ANK1: variants seen among roughly 807,000 people sequenced by gnomAD.
The protein encoded by ANK1 is ankyrin 1.
A neutral mutation model predicts 210.4 loss-of-function variants in ANK1; 51 were observed. The ratio of observed to expected loss-of-function variants is 0.24; its 90% confidence interval spans 0.19 to 0.31. The LOEUF is 0.31. Among genes scored for constraint, ANK1 ranks in the 10% least tolerant of loss-of-function variants. The pLI is 1.00. For missense variants in ANK1, 2,051 were observed against 2,504.4 expected (o/e 0.82, Z 3.86); for synonymous variants, 967 against 1,025.9 (o/e 0.94, Z 1.10).
intron 38 of ANK1, among the ~76,000 whole-genome samples, chr8:41,669,752 C>T (rs983696331): frequency 3.3e-5 from 5 of 152,206 alleles, no homozygotes; most frequent in African/African-American, 7.2e-5. Context: ...CCACCGCTGC[C>T]GTCCCAGCCC....
rs566531690 is a variant in ANK1 at position 41,813,265 on chromosome 8, G to T, written c.127-55128C>A. On this transcript the variant is annotated intron_variant, in intron 1 of 42. Transcript: ENST00000265709. ...GCGATTTCTCCAAAGTTCACATCAG[G>T]TCATCTGGCTTCAGCTTGCGGGGCT... Among the ~76,000 whole-genome samples the T allele has an allele frequency of 2.6e-5, 4 of 152,286 alleles. No homozygotes were observed. The South Asian group carries it at 6.2e-4, about 24-fold the overall frequency.
At chr8:41,796,156 A>G (rs2150769304) in intron 1 of ANK1, among the ~76,000 whole-genome samples, 1 of 152,272 alleles carries the variant, frequency 6.6e-6, no homozygotes, top group South Asian at 2.1e-4. Context: ...CCCCTTTGCT[A>G]ATGTTTTCAT....
chr8:41,821,595 A>G (rs1418527304), intron 1 of ANK1, among the ~76,000 whole-genome samples: 1 of 152,196 alleles, frequency 6.6e-6, no homozygotes, highest in East Asian at 1.9e-4. Context: ...TGAGTATCGT[A>G]AAGGAAATGA....
intron 1 of ANK1, among the ~76,000 whole-genome samples, chr8:41,857,919 AATAAATAAAT>A (rs1311403009): frequency 6.7e-6 from 1 of 150,244 alleles, no homozygotes; most frequent in African/African-American, 2.5e-5. Flanking sequence ...TAAATAAATA[AATAAATAAAT>A]AAATATCCAC....
chr8:41,660,862 C>G (rs930068744), intron 42 of ANK1: 1 of 296,288 alleles, frequency 3.4e-6, no homozygotes, highest in Middle Eastern at 1.2e-3. Context: ...AAGAGACAGT[C>G]CAGTCCTCAG....
intron 34 of ANK1, 109 bp downstream of exon 34, chr8:41,688,402 C>T: frequency 1.4e-6 from 2 of 1,470,912 alleles, no homozygotes; most frequent in Non-Finnish European, 1.9e-6. Flanking sequence ...TTGGAACTGG[C>T]TGAGCGAGCG....
intron 39 of ANK1, among the ~76,000 whole-genome samples, chr8:41,667,083 CAGG>C (rs1483093948): frequency 6.6e-6 from 1 of 152,222 alleles, no homozygotes; most frequent in African/African-American, 2.4e-5. Flanking sequence ...GCTCTGGGAG[CAGG>C]AGAACTAGGC....
intron 2 of ANK1, among the ~76,000 whole-genome samples, chr8:41,736,194 G>A (rs1275761889): frequency 6.6e-6 from 1 of 152,200 alleles, no homozygotes; most frequent in Non-Finnish European, 1.5e-5. Flanking sequence ...CAGGAGAAGG[G>A]GAGAGAGCAC....
At chr8:41,844,175 T>C (rs1254540320) in intron 1 of ANK1, among the ~76,000 whole-genome samples, 1 of 152,192 alleles carries the variant, frequency 6.6e-6, no homozygotes, top group African/African-American at 2.4e-5. Flanking sequence ...ACCTGGCCTG[T>C]CCCTGCCTTT....
intron 1 of ANK1, among the ~76,000 whole-genome samples, chr8:41,823,113 G>A (rs990672066): frequency 6.6e-6 from 1 of 152,220 alleles, no homozygotes; most frequent in African/African-American, 2.4e-5. Flanking sequence ...CACGGCGCAT[G>A]ACCTTTTTAT....
intron 1 of ANK1, among the ~76,000 whole-genome samples, chr8:41,893,800 T>C (rs775221119): frequency 1.3e-5 from 2 of 152,216 alleles, no homozygotes; most frequent in Non-Finnish European, 2.9e-5. Context: ...ACACACTCTG[T>C]AGTCTGTGTG....
At chr8:41,658,719 C>A (rs915985104) in intron 42 of ANK1, among the ~76,000 whole-genome samples, 1 of 152,126 alleles carries the variant, frequency 6.6e-6, no homozygotes, top group Admixed American at 6.5e-5. Flanking sequence ...ATGGTGAAAC[C>A]CCGTCTCTAC....
chr8:41,773,438 A>AT (rs1170878825), intron 1 of ANK1, among the ~76,000 whole-genome samples: 2 of 151,996 alleles, frequency 1.3e-5, no homozygotes, highest in East Asian at 3.9e-4. Flanking sequence ...TGAACCTAGG[A>AT]TTTTCTCTTC....
Position 41,692,814 on chromosome 8 carries a change from T to C in ANK1, c.3692A>G (p.Lys1231Arg). The change falls in exon 31 of 43, where the codon AAA (lysine) becomes AGA (arginine). Residue 1231 changes from lysine (K) to arginine (R), a missense_variant. Lys to Arg is a conservative substitution (Grantham distance 26, BLOSUM62 2). This residue lies in a region of ANK1 where 1,413 missense variants were observed against 1,707.4 expected (regional missense o/e 0.83). Transcript: ENST00000289734. ...EAVNFATLLY[K>R]ELTAVPYMAK... ...CATGTAGGGCACTGCAGTGAGCTCT[T>C]TGTACAGCAGGGTGGCAAAGTTCAC... is the stretch of plus-strand genomic sequence containing the variant. The C allele has an allele frequency of 6.2e-7, 1 of 1,614,074 alleles. No individual in the cohort carries two copies. Among genetic ancestry groups the C allele is most frequent in the Non-Finnish European group, 8.5e-7 (1 of 1,180,008 alleles).
Position 41,723,589 on chromosome 8 carries a change from C to T in ANK1, c.756G>A (p.Val252=). ...GATCCAGCAGCAGCCGCACCATGATCACGTTGCCCCTGCGGGAGGCGATGT... is the reference window on the plus strand; with the variant it reads ...GATCCAGCAGCAGCCGCACCATGATTACGTTGCCCCTGCGGGAGGCGATGT... ...PLHIASRRGN[V]IMVRLLLDRG... Residue 252 remains valine, a synonymous_variant, in exon 8 of 43, where the codon GTG becomes GTA. Transcript: ENST00000289734. The T allele has an allele frequency of 6.2e-7, 1 of 1,613,952 alleles. No homozygotes were observed. The highest frequency in any genetic ancestry group is 8.5e-7 in the Non-Finnish European group (1 of 1,179,972).
chr8:41,715,503 TG>T, intron 14 of ANK1, 148 bp downstream of exon 14: 1 of 981,900 alleles, frequency 1.0e-6, no homozygotes, highest in South Asian at 1.5e-5. Flanking sequence ...GGCTTGCAGG[TG>T]GTGGCCAGCC....
chr8:41,725,856 G>T lies in ANK1; in HGVS notation c.517C>A (p.Arg173Ser), dbSNP rs368414600. The T allele has an allele frequency of 1.3e-5, 21 of 1,611,708 alleles. No homozygotes were observed. Among genetic ancestry groups the T allele is most frequent in the Non-Finnish European group, 1.6e-5 (19 of 1,179,512 alleles). ...GCCGCGATGTGCAGGGCCGGGAGGC[G>T]CACCTTCCCCTTGGTGCCGTAGTTG... is the stretch of plus-strand genomic sequence containing the variant. ...LINYGTKGKV[R>S]LPALHIAARN... is the part of the protein sequence containing the mutation. Residue 173 changes from arginine (R) to serine (S), a missense_variant, in exon 6 of 43, where the codon CGC becomes AGC. Arg to Ser is a moderately radical substitution (Grantham distance 110). Coordinates refer to ENST00000289734, the MANE Select transcript of ANK1 (RefSeq NM_000037.4).
At chr8:41,754,933 G>T (rs1218812526) in intron 2 of ANK1, among the ~76,000 whole-genome samples, 5 of 152,262 alleles carry the variant, frequency 3.3e-5, no homozygotes, top group African/African-American at 4.8e-5. Flanking sequence ...GGGACCAACA[G>T]GGCCACATCT....
chr8:41,784,281 G>C (rs1004621283), intron 1 of ANK1, among the ~76,000 whole-genome samples: 1 of 151,892 alleles, frequency 6.6e-6, no homozygotes, highest in African/African-American at 2.4e-5. Context: ...TCCACTCCTA[G>C]CCTCCTGGTG....
Sources: gnomAD v4.1 joint callset for allele counts (sites outside exome capture counted in the v4.1 genomes callset) on GRCh38, gnomAD v4.1.1 for gene constraint, gnomAD v4.1.1 regional missense constraint, MANE v1.5 for transcripts, NCBI Gene and HGNC (gene_info 2026-07-23, HGNC 2026-07-21) for gene names.